Variants in TBL1XR1 observed in about 807,000 individuals in gnomAD.
The protein encoded by TBL1XR1 is F-box-like/WD repeat-containing protein TBL1XR1.
In TBL1XR1, 5 loss-of-function variants were observed where a neutral mutation model predicts 66.9. That is an observed-to-expected ratio of 0.07 (90% CI 0.04 to 0.16). The LOEUF is 0.16. TBL1XR1 is among the 10% of genes least tolerant of loss of function. The pLI, the probability that TBL1XR1 is intolerant of heterozygous loss-of-function variation, is 1.00. For missense variants in TBL1XR1, 238 were observed against 623.2 expected, an observed-to-expected ratio of 0.38 and a Z score of 6.58; for synonymous variants, 210 against 206.0, an observed-to-expected ratio of 1.02 and a Z score of -0.17.
intron 1 of TBL1XR1, among the ~76,000 whole-genome samples, chr3:177,174,364 G>C (rs1448032312): frequency 1.4e-5 from 2 of 140,184 alleles, no homozygotes; most frequent in Non-Finnish European, 3.0e-5. Flanking sequence ...AGCTGAGATA[G>C]TGCCACTGCA....
chr3:177,153,809 G>A (rs1158615684), intron 1 of TBL1XR1, among the ~76,000 whole-genome samples: 2 of 150,780 alleles, frequency 1.3e-5, no homozygotes, highest in Non-Finnish European at 3.0e-5. Flanking sequence ...CCCGGGAGGC[G>A]GAGGTTGCAG....
intron 2 of TBL1XR1, among the ~76,000 whole-genome samples, chr3:177,097,255 A>G (rs1723613816): frequency 6.6e-6 from 1 of 152,352 alleles, no homozygotes; most frequent in Admixed American, 6.5e-5. Flanking sequence ...TTGGTAATGA[A>G]CTACAGAAAA....
chr3:177,148,911 G>A (rs903336345), intron 1 of TBL1XR1, among the ~76,000 whole-genome samples: 1 of 151,862 alleles, frequency 6.6e-6, no homozygotes, highest in African/African-American at 2.4e-5. Flanking sequence ...GGCTAAGGCA[G>A]GAGAATGACT....
intron 1 of TBL1XR1, among the ~76,000 whole-genome samples, chr3:177,151,501 C>T (rs1293037639): frequency 1.3e-5 from 2 of 152,120 alleles, no homozygotes; most frequent in South Asian, 2.1e-4. Context: ...TTAGACTGTA[C>T]GCTCCTTATG....
At chr3:177,109,004 T>C (rs1013930346) in intron 1 of TBL1XR1, among the ~76,000 whole-genome samples, 14 of 152,216 alleles carry the variant, frequency 9.2e-5, no homozygotes, top group Non-Finnish European at 1.6e-4. Context: ...TAAGGATATC[T>C]GGATACCAAA....
intron 1 of TBL1XR1, among the ~76,000 whole-genome samples, chr3:177,123,458 T>G (rs778355089): frequency 6.6e-6 from 1 of 151,956 alleles, no homozygotes; most frequent in African/African-American, 2.4e-5. Context: ...ACCCCTACAA[T>G]TGGGCAAACA....
At chr3:177,053,961 G>C (rs2108504285) in intron 3 of TBL1XR1, 43 bp from the exon 4 acceptor site, 2 of 1,564,854 alleles carry the variant, frequency 1.3e-6, no homozygotes, top group Non-Finnish European at 1.7e-6. Flanking sequence ...TTTCCTAGTG[G>C]CAACATGCTA....
At chr3:177,169,018 T>C (rs1384935935) in intron 1 of TBL1XR1, among the ~76,000 whole-genome samples, 2 of 152,200 alleles carry the variant, frequency 1.3e-5, no homozygotes, top group Admixed American at 6.5e-5. Flanking sequence ...TTTAGGATTC[T>C]TGAATCCCTA....
chr3:177,050,430 T>C, intron 6 of TBL1XR1, 48 bp downstream of exon 6: 2 of 1,598,068 alleles, frequency 1.3e-6, no homozygotes, highest in Non-Finnish European at 1.7e-6. Context: ...TATAAAATGT[T>C]CAATAAGATA....
intron 1 of TBL1XR1, among the ~76,000 whole-genome samples, chr3:177,126,998 G>A (rs1727717847): frequency 6.6e-6 from 1 of 152,088 alleles, no homozygotes; most frequent in Non-Finnish European, 1.5e-5. Flanking sequence ...ACATTCAGTT[G>A]GTGAACTAAC....
intron 1 of TBL1XR1, among the ~76,000 whole-genome samples, chr3:177,130,296 C>T (rs1728145892): frequency 6.6e-6 from 1 of 152,076 alleles, no homozygotes; most frequent in African/African-American, 2.4e-5. Flanking sequence ...TTCATTGCTG[C>T]ATTATAAAAA....
chr3:177,098,999 A>G (rs181249274), intron 1 of TBL1XR1, among the ~76,000 whole-genome samples: 1 of 152,358 alleles, frequency 6.6e-6, no homozygotes, highest in African/African-American at 2.4e-5. Context: ...TAAACTTTAT[A>G]GGGCTTATCC....
chr3:177,085,791 G>C (rs964049208), intron 2 of TBL1XR1, among the ~76,000 whole-genome samples: 10 of 152,018 alleles, frequency 6.6e-5, no homozygotes, highest in Non-Finnish European at 1.3e-4. Flanking sequence ...AAAAAATCTA[G>C]AGACCTGTCA....
intron 2 of TBL1XR1, among the ~76,000 whole-genome samples, chr3:177,073,957 TC>T (rs1473730763): frequency 6.6e-6 from 1 of 152,284 alleles, no homozygotes; most frequent in East Asian, 1.9e-4. Flanking sequence ...AGCATTTATT[TC>T]CCAAGAAAAC....
chr3:177,147,723 A>G (rs1162780513), intron 1 of TBL1XR1, among the ~76,000 whole-genome samples: 1 of 152,212 alleles, frequency 6.6e-6, no homozygotes, highest in Non-Finnish European at 1.5e-5. Flanking sequence ...CAGCTTAGAC[A>G]TGACAAATAA....
At chr3:177,046,796 T>C (rs557625632) in intron 9 of TBL1XR1, among the ~76,000 whole-genome samples, 1 of 152,026 alleles carries the variant, frequency 6.6e-6, no homozygotes, top group South Asian at 2.1e-4. Context: ...CCACACTCAA[T>C]TATTAGCATG....
chr3:177,196,867 AG>A (rs1736928099), intron 1 of TBL1XR1, among the ~76,000 whole-genome samples: 1 of 151,464 alleles, frequency 6.6e-6, no homozygotes. Context: ...GGGAAAGGGT[AG>A]GGGGGTGGGC....
chr3:177,150,753 C>T (rs1362451644), intron 1 of TBL1XR1, among the ~76,000 whole-genome samples: 1 of 152,140 alleles, frequency 6.6e-6, no homozygotes, highest in East Asian at 1.9e-4. Flanking sequence ...TGAGCAGGCT[C>T]TAACAGAAAG....
At chr3:177,177,887 C>A (rs1577396374) in intron 1 of TBL1XR1, among the ~76,000 whole-genome samples, 1 of 151,436 alleles carries the variant, frequency 6.6e-6, no homozygotes, top group Admixed American at 6.6e-5. Flanking sequence ...AAAAAAAAAA[C>A]AATGATCAAA....
Sources: allele counts gnomAD v4.1 joint callset (sites outside exome capture counted in the v4.1 genomes callset), GRCh38; gene constraint gnomAD v4.1.1; transcripts MANE v1.5; gene names NCBI Gene and HGNC (gene_info 2026-07-23, HGNC 2026-07-21).